Variants in ZNF566 observed in about 807,000 individuals in gnomAD.
ZNF566 encodes the protein zinc finger protein 566.
A neutral mutation model predicts 32.8 loss-of-function variants in ZNF566; 27 were observed. The ratio of observed to expected loss-of-function variants is 0.82; its 90% CI spans 0.61 to 1.14. The LOEUF (loss-of-function observed/expected upper bound fraction) is 1.14, where lower values mean the gene tolerates loss of function less well. Among genes scored for constraint, ZNF566 ranks in the 50% most tolerant of loss-of-function variants. ZNF566 has a pLI of 0.00. For missense variants in ZNF566, 402 were observed against 490.4 expected, an observed-to-expected ratio of 0.82 and a Z score of 1.70; for synonymous variants, 154 against 159.5, an observed-to-expected ratio of 0.97 and a Z score of 0.26.
intron 1 of ZNF566, among the ~76,000 whole-genome samples, chr19:36,479,794 A>G (rs897468402): frequency 6.6e-6 from 1 of 152,054 alleles, no homozygotes; most frequent in Non-Finnish European, 1.5e-5. Context: ...CATCAAGTCC[A>G]GCTAAATGTT....
At chr19:36,451,965 C>A (rs926967984) in intron 4 of ZNF566, among the ~76,000 whole-genome samples, 3 of 151,964 alleles carry the variant, frequency 2.0e-5, no homozygotes, top group Non-Finnish European at 2.9e-5. Context: ...CAAGATCACA[C>A]CACTGCACTC....
chr19:36,465,623 C>T (rs2033593209), intron 4 of ZNF566, among the ~76,000 whole-genome samples: 1 of 151,996 alleles, frequency 6.6e-6, no homozygotes, highest in African/African-American at 2.4e-5. Context: ...AGGTGCCCGC[C>T]ACCATGCCCG....
At chr19:36,463,828 C>G (rs182281986) in intron 4 of ZNF566, among the ~76,000 whole-genome samples, 18 of 151,790 alleles carry the variant, frequency 1.2e-4, no homozygotes, top group African/African-American at 4.4e-4. Context: ...CGGGTTCAAG[C>G]AATTCTTGTG....
chr19:36,466,352 C>G (rs573283110), intron 4 of ZNF566, among the ~76,000 whole-genome samples: 22 of 104,130 alleles, frequency 2.1e-4, no homozygotes, highest in Non-Finnish European at 4.0e-4. Flanking sequence ...CCATGGCAGA[C>G]ACAATCTGCG....
intron 1 of ZNF566, among the ~76,000 whole-genome samples, chr19:36,481,490 A>G (rs1173400527): frequency 2.7e-5 from 4 of 148,226 alleles, no homozygotes; most frequent in Non-Finnish European, 4.5e-5. Flanking sequence ...AAAAAAAAAA[A>G]AAAAAGAAAA....
intron 1 of ZNF566, among the ~76,000 whole-genome samples, chr19:36,487,929 G>A (rs1212537196): frequency 6.7e-6 from 1 of 148,622 alleles, no homozygotes; most frequent in Admixed American, 6.8e-5. Context: ...AAAAAGAATG[G>A]GTAAAACTAG....
chr19:36,486,956 G>C (rs1430130990), intron 1 of ZNF566, among the ~76,000 whole-genome samples: 1 of 150,792 alleles, frequency 6.6e-6, no homozygotes, highest in Non-Finnish European at 1.5e-5. Context: ...TGGGTGTGGT[G>C]GCACGCACCT....
intron 4 of ZNF566, among the ~76,000 whole-genome samples, chr19:36,464,137 A>C (rs1255990682): frequency 2.0e-5 from 3 of 152,188 alleles, no homozygotes; most frequent in Non-Finnish European, 4.4e-5. Flanking sequence ...AATATGCCTA[A>C]AGAAAAGGTG....
Position 36,487,205 on chromosome 19 carries a change from C to T in ZNF566, c.-60+2281G>A, listed in dbSNP as rs370815738. 1.5e-4 allele frequency among the ~76,000 whole-genome samples: 23 copies of T among 151,904 alleles called. No individual in the cohort carries two copies. The East Asian group carries it at 1.5e-3, about 10-fold the overall frequency. On this transcript the variant is annotated intron_variant, in intron 1 of 4. Transcript: ENST00000452939. ...TTAAAAGACTAACCATACCAAATTA[C>T]GGAGAGGATATGAAGCAACTGGAAC...
In ZNF566 at chr19:36,476,633, AAGAT is replaced by A; in HGVS notation, c.-59-21_-59-18del. The A allele has an allele frequency of 6.3e-7, 1 of 1,599,558 alleles. No homozygotes were observed. Among genetic ancestry groups the A allele is most frequent in the South Asian group, 1.1e-5 (1 of 88,214 alleles). The stretch of plus-strand genomic sequence containing the variant: ...AGGGTAGAGCTGGGAGAGGCAAAAG[AAGAT>A]AGATAAGACCCCACTTTCCTCACAG... On this transcript the variant is annotated intron_variant, in intron 1 of 4. Coordinates refer to ENST00000452939, the MANE Select transcript of ZNF566 (RefSeq NM_001145344.1).
intron 4 of ZNF566, among the ~76,000 whole-genome samples, chr19:36,464,263 T>C (rs773716427): frequency 2.6e-4 from 39 of 152,150 alleles, no homozygotes; most frequent in South Asian, 2.1e-4. Context: ...AATCTGAATA[T>C]ATGACAGAGG....
At chr19:36,468,121 G>A (rs1368736175) in intron 4 of ZNF566, among the ~76,000 whole-genome samples, 1 of 150,102 alleles carries the variant, frequency 6.7e-6, no homozygotes, top group Admixed American at 6.7e-5. Context: ...GGAGGCAGAG[G>A]TTGCGGTGAG....
chr19:36,472,513 C>A (rs1232280480), intron 4 of ZNF566, among the ~76,000 whole-genome samples: 1 of 152,134 alleles, frequency 6.6e-6, no homozygotes. Context: ...AGGGCATAAA[C>A]CCCTATCCCA....
At chr19:36,476,641 T>C in intron 1 of ZNF566, 25 bp from the exon 2 acceptor site, 4 of 1,587,080 alleles carry the variant, frequency 2.5e-6, no homozygotes, top group South Asian at 2.3e-5. Context: ...AGAAGATAGA[T>C]AAGACCCCAC....
rs966560155 is a variant in ZNF566, at chr19:36,447,700, CA to C, written c.*1276del. 2 of 151,914 alleles carry C rather than the reference CA, an allele frequency of 1.3e-5. No homozygotes were observed. Among genetic ancestry groups the C allele is most frequent in the Non-Finnish European group, 2.9e-5 (2 of 67,988 alleles). 9.4% of individuals were successfully genotyped at this position (151,914 alleles called of 1,614,324 possible). On this transcript the variant is annotated 3_prime_UTR_variant, in exon 5 of 5. Coordinates refer to ENST00000452939, the MANE Select transcript of ZNF566 (RefSeq NM_001145344.1). Reference sequence around the variant, plus strand: ...CTTTTTTACTGGGTATATAATGCGACAAAAAGAGTATTAGTCGGAATAAAGT... The same window carrying C: ...CTTTTTTACTGGGTATATAATGCGACAAAAGAGTATTAGTCGGAATAAAGT...
At chr19:36,480,288 C>CTTTTTTTT (rs773998048) in intron 1 of ZNF566, among the ~76,000 whole-genome samples, 13 of 136,848 alleles carry the variant, frequency 9.5e-5, no homozygotes, top group African/African-American at 1.6e-4. Flanking sequence ...ATTTTTTTTT[C>CTTTTTTTT]TTTTTTTTTT....
In ZNF566 at chr19:36,448,867, A is replaced by G; in HGVS notation, c.*110T>C. The G allele has an allele frequency of 2.1e-6, 2 of 937,096 alleles. No homozygotes were observed. Among genetic ancestry groups the G allele is most frequent in the Non-Finnish European group, 3.1e-6 (2 of 653,182 alleles). The allele number at this position is 937,096 out of a possible 1,614,324, so 58.0% of individuals were successfully genotyped here. On this transcript the variant is annotated 3_prime_UTR_variant, in exon 5 of 5. Coordinates refer to ENST00000452939, the MANE Select transcript of ZNF566 (RefSeq NM_001145344.1). ...TCCCAGGCTGAATAAGCTGTAGTCC[A>G]CAAATAAAATGTTTCTACATTATTC...
chr19:36,487,990 T>G (rs1014859973), intron 1 of ZNF566, among the ~76,000 whole-genome samples: 1 of 147,836 alleles, frequency 6.8e-6, no homozygotes, highest in Admixed American at 6.8e-5. Context: ...TACTGAGAAG[T>G]GGTATGAGGG....
chr19:36,476,824 AAT>A (rs2033898219), intron 1 of ZNF566, among the ~76,000 whole-genome samples: 1 of 152,132 alleles, frequency 6.6e-6, no homozygotes, highest in Admixed American at 6.5e-5. Context: ...TGGCTTGGAG[AAT>A]ATATGTTTAT....
Sources: gnomAD v4.1 joint callset for allele counts (sites outside exome capture counted in the v4.1 genomes callset) on GRCh38, gnomAD v4.1.1 for gene constraint, MANE v1.5 for transcripts, NCBI Gene and HGNC (gene_info 2026-07-23, HGNC 2026-07-21) for gene names.